The following FOXN3 variants were observed in gnomAD, a reference collection of about 807,000 sequenced individuals.
The protein encoded by FOXN3 is forkhead box N3.
FOXN3 carries 7 observed loss-of-function variants against 38.4 expected under a neutral mutation model. The observed-to-expected ratio is 0.18, with a 90% CI of 0.10 to 0.34. FOXN3 has a LOEUF of 0.34. Ranked by LOEUF, FOXN3 falls within the 10% of genes least tolerant of loss-of-function variation. FOXN3 has a pLI of 1.00. For synonymous variants in FOXN3, 230 were observed against 242.2 expected (o/e 0.95, Z 0.47); for missense variants, 456 against 613.4 (o/e 0.74, Z 2.71).
intron 4 of FOXN3, among the ~76,000 whole-genome samples, chr14:89,189,494 G>A (rs974845143): frequency 1.3e-5 from 2 of 152,230 alleles, no homozygotes; most frequent in African/African-American, 4.8e-5. Context: ...GTAAGAGGCT[G>A]TAACACAGCA....
chr14:89,385,633 C>A (rs1208778354), intron 2 of FOXN3, among the ~76,000 whole-genome samples: 1 of 151,810 alleles, frequency 6.6e-6, no homozygotes, highest in South Asian at 2.1e-4. Context: ...CATGGAGAAA[C>A]CCTGTCTCTA....
intron 1 of FOXN3, among the ~76,000 whole-genome samples, chr14:89,428,290 G>T (rs1892084868): frequency 6.6e-6 from 1 of 152,202 alleles, no homozygotes; most frequent in African/African-American, 2.4e-5. Context: ...CTTTTCATTG[G>T]CTAGTCAAGT....
chr14:89,431,600 T>G (rs1892159372), intron 1 of FOXN3, among the ~76,000 whole-genome samples: 1 of 152,278 alleles, frequency 6.6e-6, no homozygotes, highest in Non-Finnish European at 1.5e-5. Flanking sequence ...TTGTTTTTGT[T>G]TTTTTATTTT....
At chr14:89,569,433 A>G (rs774107425) in intron 1 of FOXN3, among the ~76,000 whole-genome samples, 3 of 152,106 alleles carry the variant, frequency 2.0e-5, no homozygotes, top group Non-Finnish European at 2.9e-5. Context: ...CCTGCCTTCT[A>G]TTTCCACCTC....
upstream of FOXN3, chr14:89,419,024 T>G: frequency 2.4e-6 from 1 of 415,010 alleles, no homozygotes; most frequent in South Asian, 1.7e-5. Context: ...CCGGCCCCAG[T>G]CCCCTCCTGC....
At chr14:89,437,959 T>C (rs1892304926) in intron 1 of FOXN3, among the ~76,000 whole-genome samples, 1 of 152,238 alleles carries the variant, frequency 6.6e-6, no homozygotes, top group Admixed American at 6.5e-5. Context: ...ATCTGCTTTA[T>C]GTCACAGAAG....
intron 3 of FOXN3, among the ~76,000 whole-genome samples, chr14:89,315,797 T>G (rs552479710): frequency 6.6e-6 from 1 of 152,334 alleles, no homozygotes; most frequent in African/African-American, 2.4e-5. Context: ...CCTGTGGGAC[T>G]GAGTGCCCAT....
chr14:89,282,786 T>C (rs975306591), intron 3 of FOXN3, among the ~76,000 whole-genome samples: 1 of 152,216 alleles, frequency 6.6e-6, no homozygotes, highest in African/African-American at 2.4e-5. Context: ...CTGAGCTTGA[T>C]TTGGCTGAAA....
At chr14:89,596,927 T>C (rs1367886817) in intron 1 of FOXN3, among the ~76,000 whole-genome samples, 2 of 152,196 alleles carry the variant, frequency 1.3e-5, no homozygotes, top group African/African-American at 4.8e-5. Flanking sequence ...ATTGATTTTA[T>C]TAGTCCTTTG....
chr14:89,411,340 G>A (rs376105711), intron 2 of FOXN3, among the ~76,000 whole-genome samples: 10 of 152,244 alleles, frequency 6.6e-5, no homozygotes, highest in East Asian at 5.8e-4. Context: ...ACTCTGAGCC[G>A]GGAATTTCAA....
intron 3 of FOXN3, among the ~76,000 whole-genome samples, chr14:89,337,040 A>G (rs1888481473): frequency 6.6e-6 from 1 of 152,158 alleles, no homozygotes; most frequent in African/African-American, 2.4e-5. Context: ...TTTCTCAAGA[A>G]CAATCCATTA....
chr14:89,291,407 T>C, intron 3 of FOXN3: 3 of 606,580 alleles, frequency 4.9e-6, no homozygotes, highest in Non-Finnish European at 6.5e-6. Context: ...GATGCTACTG[T>C]TCTTTAAAAA....
At chr14:89,372,922 C>A (rs1039258327) in intron 2 of FOXN3, among the ~76,000 whole-genome samples, 2 of 152,134 alleles carry the variant, frequency 1.3e-5, no homozygotes, top group Admixed American at 1.3e-4. Flanking sequence ...GTAATTCCAG[C>A]GCTTAGGCCA....
intron 2 of FOXN3, among the ~76,000 whole-genome samples, chr14:89,370,674 T>C (rs1890293378): frequency 6.6e-6 from 1 of 152,256 alleles, no homozygotes. Context: ...GATGCGCATG[T>C]TCCAAAATGA....
chr14:89,570,039 C>T (rs1241759171), intron 1 of FOXN3, among the ~76,000 whole-genome samples: 1 of 149,758 alleles, frequency 6.7e-6, no homozygotes, highest in African/African-American at 2.5e-5. Flanking sequence ...CTCACTCTGT[C>T]GCTCAGGCTG....
At chr14:89,480,916 G>A (rs780245449) in intron 1 of FOXN3, among the ~76,000 whole-genome samples, 5 of 152,068 alleles carry the variant, frequency 3.3e-5, no homozygotes, top group Non-Finnish European at 7.4e-5. Context: ...GTAGATGACT[G>A]TGCCATGTTT....
intron 1 of FOXN3, among the ~76,000 whole-genome samples, chr14:89,585,665 C>T (rs1386784001): frequency 3.3e-5 from 5 of 150,590 alleles, no homozygotes; most frequent in Admixed American, 1.3e-4. Flanking sequence ...AATAATAGGC[C>T]GGTCTGAGTA....
chr14:89,518,321 T>C (rs1359871030), intron 1 of FOXN3, among the ~76,000 whole-genome samples: 2 of 152,218 alleles, frequency 1.3e-5, no homozygotes, highest in Admixed American at 1.3e-4. Flanking sequence ...TCATATCTTT[T>C]TCTCTGATCA....
intron 1 of FOXN3, among the ~76,000 whole-genome samples, chr14:89,516,399 C>G (rs758564354): frequency 3.9e-5 from 6 of 152,108 alleles, no homozygotes; most frequent in Non-Finnish European, 7.3e-5. Context: ...AATGAACACA[C>G]GTGGTATTCT....
Sources: allele counts gnomAD v4.1 joint callset (sites outside exome capture counted in the v4.1 genomes callset), GRCh38; gene constraint gnomAD v4.1.1; transcripts MANE v1.5; gene names NCBI Gene and HGNC (gene_info 2026-07-23, HGNC 2026-07-21).